The following DAB1 variants were observed in gnomAD, a reference collection of about 807,000 sequenced individuals.
DAB1 encodes the protein DAB adaptor protein 1.
DAB1 carries 15 observed loss-of-function variants against 64.6 expected under a neutral mutation model. That is an observed-to-expected ratio of 0.23 (90% CI 0.16 to 0.36). The LOEUF (loss-of-function observed/expected upper bound fraction) is 0.36, where lower values mean the gene tolerates loss of function less well. DAB1 is among the 10% of genes least tolerant of loss of function. The probability of loss-of-function intolerance (pLI) is 1.00; values close to 1 mark genes in which losing one functional copy is unlikely to be tolerated. For synonymous variants in DAB1, 235 were observed against 251.9 expected, an observed-to-expected ratio of 0.93 and a Z score of 0.64; for missense variants, 596 against 706.7, an observed-to-expected ratio of 0.84 and a Z score of 1.78.
chr1:57,261,349 A>T (rs976348853), intron 2 of DAB1, among the ~76,000 whole-genome samples: 20 of 152,164 alleles, frequency 1.3e-4, no homozygotes, highest in African/African-American at 3.9e-4. Context: ...AGAGGTTAAA[A>T]GGCCTTTCAG....
intron 11 of DAB1, among the ~76,000 whole-genome samples, chr1:57,020,700 A>G (rs1473098011): frequency 6.6e-6 from 1 of 152,238 alleles, no homozygotes; most frequent in African/African-American, 2.4e-5. Context: ...CTAAATATTG[A>G]TGATGTGCCA....
intron 1 of DAB1, among the ~76,000 whole-genome samples, chr1:57,330,792 A>G (rs1676598889): frequency 6.6e-6 from 1 of 151,644 alleles, no homozygotes; most frequent in Non-Finnish European, 1.5e-5. Flanking sequence ...ACTATGGTCC[A>G]GACTGTTGGA....
At chr1:58,544,652 T>C (rs1298240412) in intron 1 of DAB1, among the ~76,000 whole-genome samples, 1 of 152,206 alleles carries the variant, frequency 6.6e-6, no homozygotes, top group Non-Finnish European at 1.5e-5. Flanking sequence ...TGGAGTGCAG[T>C]GGTGCCACCT....
chr1:58,261,942 G>A (rs1175154693), intron 4 of DAB1, among the ~76,000 whole-genome samples: 1 of 151,994 alleles, frequency 6.6e-6, no homozygotes, highest in Non-Finnish European at 1.5e-5. Context: ...TTTAATTTTT[G>A]CAAAAATAGT....
chr1:57,983,176 G>T (rs1646109055), intron 5 of DAB1, among the ~76,000 whole-genome samples: 1 of 152,188 alleles, frequency 6.6e-6, no homozygotes, highest in South Asian at 2.1e-4. Flanking sequence ...CTCTGAATCA[G>T]ATTTATGACA....
At chr1:57,611,680 CT>C (rs1645728419) in intron 7 of DAB1, among the ~76,000 whole-genome samples, 1 of 152,164 alleles carries the variant, frequency 6.6e-6, no homozygotes, top group Non-Finnish European at 1.5e-5. Flanking sequence ...GAGCACCTCT[CT>C]CCACCTCCAC....
intron 3 of DAB1, among the ~76,000 whole-genome samples, chr1:58,435,051 C>T (rs1178759801): frequency 6.6e-6 from 1 of 152,214 alleles, no homozygotes; most frequent in Non-Finnish European, 1.5e-5. Context: ...CAAGGACTTG[C>T]ATCTTTGAGA....
At chr1:57,749,951 C>G (rs1648477704) in intron 6 of DAB1, among the ~76,000 whole-genome samples, 1 of 152,004 alleles carries the variant, frequency 6.6e-6, no homozygotes, top group South Asian at 2.1e-4. Context: ...CATTGCAAAT[C>G]CATCCTGGTG....
At chr1:58,222,440 T>A (rs1343786451) in intron 4 of DAB1, among the ~76,000 whole-genome samples, 3 of 152,156 alleles carry the variant, frequency 2.0e-5, no homozygotes, top group Non-Finnish European at 4.4e-5. Context: ...TAACAATCCA[T>A]CCCTTTCTAT....
intron 2 of DAB1, among the ~76,000 whole-genome samples, chr1:57,157,090 C>G (rs1660294533): frequency 6.6e-6 from 1 of 152,198 alleles, no homozygotes; most frequent in Non-Finnish European, 1.5e-5. Flanking sequence ...TGGCCTCCCA[C>G]TCCAGGCTGC....
intron 7 of DAB1, among the ~76,000 whole-genome samples, chr1:57,489,316 A>C (rs1379949008): frequency 6.6e-6 from 1 of 152,180 alleles, no homozygotes; most frequent in African/African-American, 2.4e-5. Flanking sequence ...TTGGCCCCTA[A>C]AGAAAGCACA....
intron 4 of DAB1, among the ~76,000 whole-genome samples, chr1:58,272,590 C>G (rs1174187530): frequency 1.7e-5 from 2 of 120,160 alleles, no homozygotes; most frequent in Admixed American, 9.0e-5. Flanking sequence ...TGTTGACTTT[C>G]TGTCTCGTTG....
chr1:58,121,118 A>G (rs571435811), intron 5 of DAB1, among the ~76,000 whole-genome samples: 1 of 151,678 alleles, frequency 6.6e-6, no homozygotes, highest in Non-Finnish European at 1.5e-5. Flanking sequence ...GGGATCTTTG[A>G]TTTTTTTTCC....
chr1:57,027,980 G>T (rs1297367271), intron 9 of DAB1, among the ~76,000 whole-genome samples: 1 of 152,192 alleles, frequency 6.6e-6, no homozygotes, highest in Non-Finnish European at 1.5e-5. Context: ...TTACAGACTG[G>T]TGGGGAGGTT....
intron 3 of DAB1, among the ~76,000 whole-genome samples, chr1:58,386,584 A>G (rs1488797412): frequency 6.6e-6 from 1 of 152,120 alleles, no homozygotes; most frequent in Non-Finnish European, 1.5e-5. Context: ...ACTGAACTCC[A>G]CTTCTGGTCT....
intron 1 of DAB1, among the ~76,000 whole-genome samples, chr1:57,354,942 C>T (rs930204357): frequency 1.3e-5 from 2 of 152,180 alleles, no homozygotes; most frequent in African/African-American, 4.8e-5. Flanking sequence ...AGGCATTTTC[C>T]TCCATCAGCC....
At chr1:57,142,132 C>T (rs1423026837) in intron 3 of DAB1, among the ~76,000 whole-genome samples, 7 of 152,074 alleles carry the variant, frequency 4.6e-5, no homozygotes, top group African/African-American at 7.2e-5. Context: ...GATCATGATG[C>T]TTTGTTGGTA....
intron 9 of DAB1, among the ~76,000 whole-genome samples, chr1:57,041,756 T>C (rs959915189): frequency 1.3e-5 from 2 of 152,220 alleles, no homozygotes; most frequent in African/African-American, 2.4e-5. Flanking sequence ...TTTAGGAATA[T>C]GATGATTTTG....
intron 2 of DAB1, among the ~76,000 whole-genome samples, chr1:58,506,551 C>T (rs974971001): frequency 2.0e-5 from 3 of 152,242 alleles, no homozygotes; most frequent in Admixed American, 2.0e-4. Flanking sequence ...TAACAGAATG[C>T]CTGCCCTTCC....
Sources: allele counts gnomAD v4.1 joint callset (sites outside exome capture counted in the v4.1 genomes callset), GRCh38; gene constraint gnomAD v4.1.1; transcripts MANE v1.5; gene names NCBI Gene and HGNC (gene_info 2026-07-23, HGNC 2026-07-21).